The following ODF2L variants were observed in gnomAD, a reference collection of about 807,000 sequenced individuals.
The protein encoded by ODF2L is protein BCAP.
In ODF2L, 76 loss-of-function variants were observed where a neutral mutation model predicts 86.3. The ratio of observed to expected loss-of-function variants is 0.88; its 90% CI spans 0.73 to 1.07. The LOEUF is 1.07. Ranked by LOEUF, ODF2L falls within the 50% of genes least tolerant of loss-of-function variation. The pLI, the probability that ODF2L is intolerant of heterozygous loss-of-function variation, is 0.00. For synonymous variants in ODF2L, 241 were observed against 231.3 expected, an observed-to-expected ratio of 1.04 and a Z score of -0.38; for missense variants, 748 against 717.4, an observed-to-expected ratio of 1.04 and a Z score of -0.49.
intron 10 of ODF2L, among the ~76,000 whole-genome samples, chr1:86,369,736 G>A (rs969103560): frequency 1.3e-5 from 2 of 152,266 alleles, no homozygotes; most frequent in South Asian, 2.1e-4. Flanking sequence ...AGATCAGTAC[G>A]TAGCAAACAG....
chr1:86,385,107 T>G (rs918599860), intron 3 of ODF2L, among the ~76,000 whole-genome samples: 4 of 151,966 alleles, frequency 2.6e-5, no homozygotes, highest in Non-Finnish European at 1.5e-5. Context: ...AATTTAAAAA[T>G]AGTTATCTAC....
exon 14 of ODF2L, chr1:86,356,595 C>T: frequency 6.2e-7 from 1 of 1,613,028 alleles, no homozygotes; most frequent in Non-Finnish European, 8.5e-7. Flanking sequence ...CTCCATCTGG[C>T]CTCTCATCTG....
Position 86,384,744 on chromosome 1 carries a change from CT to C in ODF2L, c.303del (p.Glu102AsnfsTer2). 6.5e-7 allele frequency: 1 copy of C among 1,527,746 alleles called. No homozygotes were observed. The highest frequency in any genetic ancestry group is 8.8e-7 in the Non-Finnish European group (1 of 1,140,248). 94.6% of individuals were successfully genotyped at this position (1,527,746 alleles called of 1,614,324 possible). A position where few individuals can be genotyped will look rare whatever the true frequency, so the allele number is the denominator to read the frequency against. Reference sequence around the variant, plus strand: ...TTTACACTTTTGAAGGTGTCTAATTCTTTTATTAATATTTCCTTCTGTTCAG... The same window carrying C: ...TTTACACTTTTGAAGGTGTCTAATTCTTTATTAATATTTCCTTCTGTTCAG... On this transcript the variant is annotated frameshift_variant, in exon 4 of 18. Coordinates refer to ENST00000317336, the Ensembl canonical transcript of ODF2L. LOFTEE classifies it high-confidence loss of function.
chr1:86,373,931 T>C (rs201434937), intron 8 of ODF2L, among the ~76,000 whole-genome samples: 2 of 152,186 alleles, frequency 1.3e-5, no homozygotes, highest in Non-Finnish European at 2.9e-5. Context: ...GCCTTGATAG[T>C]GCCTGGAGCA....
intron 3 of ODF2L, among the ~76,000 whole-genome samples, chr1:86,385,102 A>T (rs1385369236): frequency 6.6e-6 from 1 of 151,964 alleles, no homozygotes; most frequent in East Asian, 1.9e-4. Context: ...GCTGAAATTT[A>T]AAAATAGTTA....
chr1:86,366,249 TA>T (rs1346505876), intron 11 of ODF2L, among the ~76,000 whole-genome samples: 1 of 151,702 alleles, frequency 6.6e-6, no homozygotes, highest in Non-Finnish European at 1.5e-5. Context: ...TTTTTTATAT[TA>T]AAAAAAGGAA....
chr1:86,362,611 G>A (rs1310533826), intron 11 of ODF2L, among the ~76,000 whole-genome samples: 1 of 152,056 alleles, frequency 6.6e-6, no homozygotes, highest in African/African-American at 2.4e-5. Context: ...CTTCAGTGAA[G>A]GACACGTCAG....
At chr1:86,371,918 T>C (rs976386178) in intron 9 of ODF2L, among the ~76,000 whole-genome samples, 1 of 152,188 alleles carries the variant, frequency 6.6e-6, no homozygotes, top group Non-Finnish European at 1.5e-5. Flanking sequence ...CCAGGCGTGG[T>C]GGCTCACGCC....
intron 11 of ODF2L, chr1:86,368,486 T>C (rs1028656933): frequency 1.7e-6 from 1 of 595,074 alleles, no homozygotes; most frequent in Middle Eastern, 4.4e-4. Flanking sequence ...TGTTTAGAAA[T>C]TTAAAACTAG....
exon 18 of ODF2L, chr1:86,351,039 C>T (rs972178397): frequency 3.3e-5 from 5 of 151,936 alleles, no homozygotes; most frequent in Admixed American, 1.3e-4. Context: ...CCCATTCTGT[C>T]GGTTCCTGTT....
In ODF2L at chr1:86,358,876, C is replaced by A; in HGVS notation, c.1270G>T (p.Glu424Ter). The change falls in exon 13 of 18, where the codon GAA becomes TAA. Residue 424 changes from glutamate to a stop codon, truncating the protein, a stop_gained. Transcript: ENST00000317336. LOFTEE classifies it high-confidence loss of function. Reference sequence around the variant, plus strand: ...CTGCTTTTTACTATTTCAGCTGCTTCTTGCAACTTTTGTACCTGAAAATAA... The same window carrying A: ...CTGCTTTTTACTATTTCAGCTGCTTATTGCAACTTTTGTACCTGAAAATAA... 1 of 1,525,864 alleles carries A rather than the reference C, an allele frequency of 6.6e-7. No individual in the cohort carries two copies. The highest frequency in any genetic ancestry group is 8.8e-7 in the Non-Finnish European group (1 of 1,130,698). 94.5% of individuals were successfully genotyped at this position (1,525,864 alleles called of 1,614,324 possible).
At chr1:86,388,809 G>A (rs935653991) in intron 1 of ODF2L, among the ~76,000 whole-genome samples, 18 of 152,000 alleles carry the variant, frequency 1.2e-4, no homozygotes, top group African/African-American at 4.3e-4. Context: ...CCTATAATTG[G>A]TAACTGCCAC....
At chr1:86,352,973 T>G in exon 17 of ODF2L, 2 of 1,518,654 alleles carry the variant, frequency 1.3e-6, no homozygotes, top group Non-Finnish European at 9.0e-7. Context: ...TTTTCTCTAT[T>G]TCTTCAGCAA....
chr1:86,359,215 A>AT (rs1274135636), intron 12 of ODF2L, among the ~76,000 whole-genome samples: 2 of 146,268 alleles, frequency 1.4e-5, no homozygotes, highest in African/African-American at 5.1e-5. Context: ...CATTTAAATT[A>AT]TTTTTCCCAC....
intron 11 of ODF2L, among the ~76,000 whole-genome samples, chr1:86,366,666 A>C (rs2100961792): frequency 6.6e-6 from 1 of 152,210 alleles, no homozygotes; most frequent in East Asian, 1.9e-4. Context: ...AAATGAAAAA[A>C]TTCTTATAGG....
chr1:86,357,777 A>T, intron 13 of ODF2L: 1 of 979,262 alleles, frequency 1.0e-6, no homozygotes, highest in Non-Finnish European at 1.2e-6. Flanking sequence ...CTTGTTAAAT[A>T]CTAGTTAGAA....
intron 11 of ODF2L, among the ~76,000 whole-genome samples, chr1:86,367,369 T>C (rs987041747): frequency 6.6e-6 from 1 of 152,032 alleles, no homozygotes; most frequent in Non-Finnish European, 1.5e-5. Context: ...GGAAACACGA[T>C]GTGGGTTCAA....
chr1:86,386,748 T>C (rs919615864), intron 2 of ODF2L, 167 bp downstream of exon 2: 3 of 431,500 alleles, frequency 7.0e-6, no homozygotes, highest in Non-Finnish European at 1.2e-5. Context: ...TTCTGCTAGA[T>C]GAGTACACTT....
At chr1:86,352,546 GAA>G in intron 17 of ODF2L, among the ~76,000 whole-genome samples, 1 of 152,028 alleles carries the variant, frequency 6.6e-6, no homozygotes. Context: ...TTTAAAAAAT[GAA>G]AAATTCATAT....
Sources: gnomAD v4.1 joint callset for allele counts (sites outside exome capture counted in the v4.1 genomes callset) on GRCh38, gnomAD v4.1.1 for gene constraint, MANE v1.5 for transcripts, NCBI Gene and HGNC (gene_info 2026-07-23, HGNC 2026-07-21) for gene names.